Variants in MFSD12 observed in about 807,000 individuals in gnomAD.
MFSD12 encodes major facilitator superfamily domain-containing protein 12.
Under a neutral mutation model 51.2 loss-of-function variants are expected in MFSD12, and 67 were observed. The ratio of observed to expected loss-of-function variants is 1.31; its 90% CI spans 1.08 to 1.60. MFSD12 has a LOEUF of 1.60. Ranked by LOEUF, MFSD12 falls within the 40% of genes most tolerant of loss-of-function variation. MFSD12 has a pLI of 0.00. For synonymous variants in MFSD12, 441 were observed against 316.7 expected (o/e 1.39, Z -4.17); for missense variants, 921 against 673.0 (o/e 1.37, Z -4.08).
intron 1 of MFSD12, among the ~76,000 whole-genome samples, chr19:3,554,821 G>C (rs2031653283): frequency 6.6e-6 from 1 of 152,224 alleles, no homozygotes; most frequent in African/African-American, 2.4e-5. Context: ...ACTTGGGGGT[G>C]AAATACAGAA....
Position 3,551,184 on chromosome 19 carries a change from G to A in MFSD12, c.309C>T (p.Cys103=), listed in dbSNP as rs376971296. 2.7e-5 allele frequency: 44 copies of A among 1,606,226 alleles called. No homozygotes were observed. Among genetic ancestry groups the A allele is most frequent in the Middle Eastern group, 2.0e-4 (1 of 5,116 alleles). Residue 103 remains cysteine, a synonymous_variant, in exon 2 of 10, where the codon TGC becomes TGT. Transcript: ENST00000355415. The surrounding 1 kb of genome is among the most constrained non-coding windows in gnomAD (Gnocchi z 4.6). ...RKAWHLVGTV[C]VLLSFPFIFS... is the part of the protein sequence containing the mutation. ...AGATGAAGGGGAAGGACAGCAGGAC[G>A]CAGACGGTGCCTGTGGAAGGCAGAG... is the stretch of plus-strand genomic sequence containing the variant.
chr19:3,546,003 C>G, intron 8 of MFSD12, 71 bp downstream of exon 8: 2 of 1,526,362 alleles, frequency 1.3e-6, no homozygotes, highest in Non-Finnish European at 1.8e-6. Flanking sequence ...CAGAACACTG[C>G]TGGACACACA....
At chr19:3,538,962 C>T in intron 4 of MFSD12, 1 of 637,134 alleles carries the variant, frequency 1.6e-6, no homozygotes, top group East Asian at 2.7e-5. Context: ...CCACGGACCC[C>T]ACCTGGCAGT....
At chr19:3,546,214 G>A (rs1166494862) in intron 7 of MFSD12, 41 bp downstream of exon 7, 3 of 1,607,562 alleles carry the variant, frequency 1.9e-6, no homozygotes, top group South Asian at 1.1e-5. Context: ...CCGAGATCTA[G>A]GACCCGGCCT....
chr19:3,540,084 CTTTTCT>C (rs2030236961), downstream of MFSD12: 1 of 132,100 alleles, frequency 7.6e-6, no homozygotes, highest in East Asian at 2.3e-4. Context: ...AGACCCATCT[CTTTTCT>C]TTTTTTTTTT....
In MFSD12 at chr19:3,544,730, C is replaced by A. The variant is rs777975373; in HGVS notation, c.1423G>T (p.Asp475Tyr). Residue 475 changes from aspartate (D) to tyrosine (Y), a missense_variant and splice_region_variant, in exon 10 of 10, where the codon GAC (aspartate) becomes TAC (tyrosine). By Grantham distance (160) the Asp-to-Tyr change is radical. Transcript: ENST00000355415. ...AGGAGTCAGGGCCGGGCATCACGGT[C>A]CCCTGCAAGGGAGGGGTGGAAATGG... The part of the protein sequence containing the change: ...LLWPTRLRRW[D>Y]RDARP The A allele has an allele frequency of 6.9e-6, 11 of 1,604,194 alleles. No individual in the cohort carries two copies. Among genetic ancestry groups the A allele is most frequent in the South Asian group, 6.7e-5 (6 of 89,744 alleles).
rs915742153 is a variant in MFSD12 at position 3,551,605 on chromosome 19, G to C, written c.299-411C>G. ...TCCTTAAGCTCCGCCATCCTCATCAGCTCCTAAGGTGACCACTCCCTGGAA... is the reference window on the plus strand; with the variant it reads ...TCCTTAAGCTCCGCCATCCTCATCACCTCCTAAGGTGACCACTCCCTGGAA... On this transcript the variant is annotated intron_variant, in intron 1 of 9. Coordinates refer to ENST00000355415, the MANE Select transcript of MFSD12 (RefSeq NM_174983.5). The surrounding 1 kb of genome is among the most constrained non-coding windows in gnomAD (Gnocchi z 4.6). Among the ~76,000 whole-genome samples the C allele has an allele frequency of 6.6e-6, 1 of 152,122 alleles. No homozygotes were observed. Among genetic ancestry groups the C allele is most frequent in the Non-Finnish European group, 1.5e-5 (1 of 67,998 alleles).
chr19:3,554,390 T>C (rs922271761), intron 1 of MFSD12, among the ~76,000 whole-genome samples: 1 of 144,866 alleles, frequency 6.9e-6, no homozygotes, highest in African/African-American at 2.6e-5. Context: ...TGAGCCGAGA[T>C]CCCGCTACTG....
At chr19:3,538,904 G>T in intron 4 of MFSD12, 1 of 655,762 alleles carries the variant, frequency 1.5e-6, no homozygotes. Context: ...TGTGGAGATG[G>T]AGAAGCCAGA....
At chr19:3,543,250 C>G, downstream of MFSD12, 12 of 1,545,802 alleles carry the variant, frequency 7.8e-6, no homozygotes, top group Admixed American at 2.0e-5. Context: ...ACTACCTGTC[C>G]CTGGAGGGTT....
chr19:3,538,626 T>C (rs990274990), exon 5 of MFSD12: 10 of 381,898 alleles, frequency 2.6e-5, no homozygotes, highest in African/African-American at 1.6e-4. Context: ...CGCACCTCCT[T>C]GTGGCTGAGT....
At chr19:3,543,868 G>A (rs201909647), downstream of MFSD12, 5 of 1,549,398 alleles carry the variant, frequency 3.2e-6, no homozygotes, top group Non-Finnish European at 4.4e-6. Context: ...CCACTGTGGA[G>A]GGCATCAGAC....
rs993522937 is a variant in MFSD12 at position 3,545,298 on chromosome 19, T to C, written c.1290-359A>G. On this transcript the variant is annotated intron_variant, in intron 8 of 9. Transcript: ENST00000355415. ...CTGTGAGCGCCTGGGTCAGGGCCTG[T>C]CCCTCTTCTGCCCACAGCTCTCTGT... is the stretch of plus-strand genomic sequence containing the variant. 1.1e-4 allele frequency among the ~76,000 whole-genome samples: 16 copies of C among 152,118 alleles called. 1 individual carries two copies. The highest frequency in any genetic ancestry group is 5.2e-4 in the Admixed American group (8 of 15,278).
rs764343302 is a variant in MFSD12 at position 3,544,528 on chromosome 19, G to C, written c.*182C>G. ...CACCCTCAAAACCCAGGGGGTCCTT[G>C]CAAGTCCCTGGCGGGCATCCCTGCT... On this transcript the variant is annotated 3_prime_UTR_variant, in exon 10 of 10. Transcript: ENST00000355415. 1.3e-5 allele frequency: 18 copies of C among 1,408,110 alleles called. No individual in the cohort carries two copies. The highest frequency in any genetic ancestry group is 1.7e-5 in the Non-Finnish European group (18 of 1,083,750). 87.2% of individuals were successfully genotyped at this position (1,408,110 alleles called of 1,614,324 possible). A position where few individuals can be genotyped will look rare whatever the true frequency, so the allele number is the denominator to read the frequency against.
Position 3,544,211 on chromosome 19 carries a change from T to A in MFSD12, c.*499A>T. The A allele has an allele frequency of 7.4e-7, 1 of 1,349,254 alleles. No homozygotes were observed. Among genetic ancestry groups the A allele is most frequent in the Non-Finnish European group, 9.5e-7 (1 of 1,050,260 alleles). The allele number at this position is 1,349,254 out of a possible 1,614,324, so 83.6% of individuals were successfully genotyped here. A position where few individuals can be genotyped will look rare whatever the true frequency, so the allele number is the denominator to read the frequency against. On this transcript the variant is annotated 3_prime_UTR_variant, in exon 10 of 10. Transcript: ENST00000355415. Reference sequence around the variant, plus strand: ...ACAGGAGCCAGGCTGCCGTCATCTCTTTATTTGCTGCCAGCAGAGTCCACC... The same window carrying A: ...ACAGGAGCCAGGCTGCCGTCATCTCATTATTTGCTGCCAGCAGAGTCCACC...
At chr19:3,555,358 C>A (rs2031679262) in intron 1 of MFSD12, among the ~76,000 whole-genome samples, 1 of 152,074 alleles carries the variant, frequency 6.6e-6, no homozygotes, top group South Asian at 2.1e-4. Context: ...GGAGGCCTCC[C>A]AAAGTGCTGG....
exon 5 of MFSD12, chr19:3,538,661 C>T (rs549270694): frequency 3.5e-5 from 12 of 345,002 alleles, no homozygotes; most frequent in Non-Finnish European, 5.3e-5. Flanking sequence ...GTGGCGGCGC[C>T]GTGCTGATCC....
At chr19:3,539,269 C>T (rs1306360173), downstream of MFSD12, 15 of 1,538,790 alleles carry the variant, frequency 9.7e-6, no homozygotes, top group Non-Finnish European at 1.3e-5. Flanking sequence ...AGGTGAGCCC[C>T]TCCCTACAGG....
At chr19:3,549,420 G>T (rs950249792) in intron 2 of MFSD12, among the ~76,000 whole-genome samples, 2 of 152,188 alleles carry the variant, frequency 1.3e-5, no homozygotes, top group Non-Finnish European at 2.9e-5. Context: ...GTCAGCTCGG[G>T]TGTGTCCACA....
Sources: gnomAD v4.1 joint callset for allele counts (sites outside exome capture counted in the v4.1 genomes callset) on GRCh38, gnomAD v4.1.1 for gene constraint, Gnocchi (gnomAD v3.1) non-coding constraint, MANE v1.5 for transcripts, NCBI Gene and HGNC (gene_info 2026-07-23, HGNC 2026-07-21) for gene names.